Variants in PCDH15 observed in about 807,000 individuals in gnomAD.
PCDH15 encodes protocadherin related 15, also known as protocadherin-15.
Under a neutral mutation model 178.5 loss-of-function variants are expected in PCDH15, and 129 were observed. The observed-to-expected ratio is 0.72, with a 90% CI of 0.63 to 0.84. The LOEUF is 0.84. Ranked by LOEUF, PCDH15 falls within the 40% of genes least tolerant of loss-of-function variation. The pLI is 0.00. For missense variants in PCDH15, 2,230 were observed against 2,099.9 expected, an observed-to-expected ratio of 1.06 and a Z score of -1.21; for synonymous variants, 800 against 732.0, an observed-to-expected ratio of 1.09 and a Z score of -1.50.
At chr10:54,354,844 G>A (rs116731571) in intron 5 of PCDH15, among the ~76,000 whole-genome samples, 2,709 of 152,106 alleles carry the variant, frequency 0.018, 86 homozygotes, top group African/African-American at 0.062. Context: ...AAAAACAGAT[G>A]TTCAAAATAT....
chr10:54,379,013 T>C, intron 3 of PCDH15, 71 bp from the exon 4 acceptor site: 2 of 1,554,398 alleles, frequency 1.3e-6, no homozygotes, highest in Non-Finnish European at 8.8e-7. Context: ...ATCATGCTCT[T>C]AAACCGCGGC....
chr10:55,300,595 A>C (rs1295274285), intron 1 of PCDH15, among the ~76,000 whole-genome samples: 1 of 152,182 alleles, frequency 6.6e-6, no homozygotes, highest in African/African-American at 2.4e-5. Flanking sequence ...CAACATTTTC[A>C]TATTTTATCT....
intron 8 of PCDH15, among the ~76,000 whole-genome samples, chr10:54,294,674 C>G (rs1319882958): frequency 6.9e-6 from 1 of 144,488 alleles, no homozygotes; most frequent in Non-Finnish European, 1.5e-5. Flanking sequence ...CAACAGTAAT[C>G]ACACACACAC....
At chr10:54,545,108 GA>G (rs759325858) in intron 2 of PCDH15, among the ~76,000 whole-genome samples, 1 of 152,062 alleles carries the variant, frequency 6.6e-6, no homozygotes, top group Non-Finnish European at 1.5e-5. Context: ...GAATGTGTGG[GA>G]AAAAAAGACA....
At chr10:55,105,416 G>T (rs913696514) in intron 2 of PCDH15, among the ~76,000 whole-genome samples, 1 of 152,018 alleles carries the variant, frequency 6.6e-6, no homozygotes, top group Non-Finnish European at 1.5e-5. Context: ...TATTTCTAGG[G>T]TTTTAAAAAT....
chr10:53,902,017 T>G (rs1294885014), intron 26 of PCDH15, among the ~76,000 whole-genome samples: 1 of 152,184 alleles, frequency 6.6e-6, no homozygotes, highest in Non-Finnish European at 1.5e-5. Flanking sequence ...TATATCAAAC[T>G]TCTAGAACAG....
intron 7 of PCDH15, among the ~76,000 whole-genome samples, chr10:54,319,087 T>C (rs1279517385): frequency 6.6e-6 from 1 of 152,088 alleles, no homozygotes; most frequent in Non-Finnish European, 1.5e-5. Flanking sequence ...TTGTCAAGGG[T>C]GGTGGTGGTA....
At chr10:54,005,597 C>T (rs1346744084) in intron 20 of PCDH15, among the ~76,000 whole-genome samples, 2 of 151,920 alleles carry the variant, frequency 1.3e-5, no homozygotes, top group Non-Finnish European at 2.9e-5. Flanking sequence ...GCAAATCAAA[C>T]TTACAATGAG....
At chr10:54,256,309 A>G (rs2056894192) in intron 8 of PCDH15, among the ~76,000 whole-genome samples, 1 of 152,230 alleles carries the variant, frequency 6.6e-6, no homozygotes, top group Admixed American at 6.5e-5. Context: ...AAAGCAACTA[A>G]TAAATAAGTT....
intron 2 of PCDH15, among the ~76,000 whole-genome samples, chr10:55,034,116 C>G (rs1840679130): frequency 6.6e-6 from 1 of 151,988 alleles, no homozygotes; most frequent in Admixed American, 6.6e-5. Flanking sequence ...TATAAATTAC[C>G]CAGTGTGGTA....
chr10:55,023,273 T>C (rs1840385594), intron 2 of PCDH15, among the ~76,000 whole-genome samples: 1 of 152,320 alleles, frequency 6.6e-6, no homozygotes, highest in Non-Finnish European at 1.5e-5. Flanking sequence ...ATTTCCATAA[T>C]GGTTAAAATA....
chr10:54,354,236 C>T (rs1281063645), intron 5 of PCDH15, among the ~76,000 whole-genome samples: 3 of 152,142 alleles, frequency 2.0e-5, no homozygotes, highest in African/African-American at 2.4e-5. Context: ...CCGCCTGCCT[C>T]GGCCTTCCAA....
At chr10:54,429,612 C>T (rs1024277945) in intron 3 of PCDH15, among the ~76,000 whole-genome samples, 1 of 151,988 alleles carries the variant, frequency 6.6e-6, no homozygotes, top group Non-Finnish European at 1.5e-5. Flanking sequence ...TAAAGACACA[C>T]ATCGACTGAA....
In PCDH15 at chr10:53,806,959, G is replaced by A. The variant is rs570828018; in HGVS notation, c.4843C>T (p.Arg1615Cys). The A allele has an allele frequency of 1.2e-5, 19 of 1,613,804 alleles. No homozygotes were observed. Among genetic ancestry groups the A allele is most frequent in the Admixed American group, 3.3e-5 (2 of 59,978 alleles). ...AAGTTGTCCGTGAGGCAGGCACGGC[G>A]GGTTCTCACCACAGAACCATTCTGT... ...IAQNGSVVRT[R>C]RACLTDNLKV... Residue 1615 changes from arginine (R) to cysteine (C), a missense_variant, in exon 38 of 38, where the codon CGC (arginine) becomes TGC (cysteine). Coordinates refer to ENST00000644397, the MANE Select transcript of PCDH15 (RefSeq NM_001384140.1).
intron 3 of PCDH15, among the ~76,000 whole-genome samples, chr10:54,860,678 T>C (rs560895955): frequency 2.0e-5 from 3 of 152,290 alleles, no homozygotes; most frequent in East Asian, 1.9e-4. Context: ...TAATGGAATG[T>C]CTGGGTCATG....
intron 2 of PCDH15, among the ~76,000 whole-genome samples, chr10:55,076,308 T>C (rs1471929962): frequency 6.6e-6 from 1 of 152,164 alleles, no homozygotes; most frequent in Non-Finnish European, 1.5e-5. Flanking sequence ...CTAGACGATC[T>C]GTCTATTACT....
chr10:54,511,268 T>A (rs2081626648), intron 3 of PCDH15, among the ~76,000 whole-genome samples: 1 of 152,180 alleles, frequency 6.6e-6, no homozygotes, highest in Admixed American at 6.6e-5. Context: ...TATGAAGTAG[T>A]TAGTAGCATA....
chr10:54,740,263 G>A (rs1025972869), intron 1 of PCDH15, among the ~76,000 whole-genome samples: 23 of 151,978 alleles, frequency 1.5e-4, no homozygotes, highest in Admixed American at 3.3e-4. Context: ...ACACCAGTAG[G>A]TATGTGAAAA....
intron 8 of PCDH15, among the ~76,000 whole-genome samples, chr10:54,303,601 T>A (rs999205529): frequency 1.3e-5 from 2 of 152,100 alleles, no homozygotes; most frequent in Non-Finnish European, 2.9e-5. Flanking sequence ...TACAAGAGAA[T>A]GTAATTTTTA....
Sources: allele counts gnomAD v4.1 joint callset (sites outside exome capture counted in the v4.1 genomes callset), GRCh38; gene constraint gnomAD v4.1.1; transcripts MANE v1.5; gene names NCBI Gene and HGNC (gene_info 2026-07-23, HGNC 2026-07-21).